Variants in PLXNA4 observed in about 807,000 individuals in gnomAD.
PLXNA4 encodes the protein plexin A4.
Under a neutral mutation model 191.8 loss-of-function variants are expected in PLXNA4, and 44 were observed. The observed-to-expected ratio is 0.23, with a 90% CI of 0.18 to 0.29. The LOEUF (loss-of-function observed/expected upper bound fraction) is 0.29. Among genes scored for constraint, PLXNA4 ranks in the 10% least tolerant of loss-of-function variants. The pLI is 1.00. For synonymous variants in PLXNA4, 1,082 were observed against 1,009.5 expected (o/e 1.07, Z -1.36); for missense variants, 1,800 against 2,488.8 (o/e 0.72, Z 5.89).
At chr7:132,514,026 C>T (rs1190043658) in intron 1 of PLXNA4, among the ~76,000 whole-genome samples, 1 of 149,726 alleles carries the variant, frequency 6.7e-6, no homozygotes. Context: ...TAGTATGTCA[C>T]ATAGAAAAGA....
chr7:132,367,057 C>T (rs994880167), intron 3 of PLXNA4, among the ~76,000 whole-genome samples: 1 of 152,192 alleles, frequency 6.6e-6, no homozygotes, highest in African/African-American at 2.4e-5. Context: ...AGGCATGAGC[C>T]ACTGTACCTA....
At chr7:132,293,349 A>G (rs1304934761) in intron 4 of PLXNA4, among the ~76,000 whole-genome samples, 1 of 152,232 alleles carries the variant, frequency 6.6e-6, no homozygotes, top group East Asian at 1.9e-4. Context: ...TCACAATCAC[A>G]TCTTACATGG....
At chr7:132,210,639 A>G (rs1344553822) in intron 10 of PLXNA4, among the ~76,000 whole-genome samples, 1 of 152,170 alleles carries the variant, frequency 6.6e-6, no homozygotes, top group Non-Finnish European at 1.5e-5. Context: ...GTCTGCCCAT[A>G]AACAGGGCTC....
intron 2 of PLXNA4, among the ~76,000 whole-genome samples, chr7:132,637,448 C>A (rs941699425): frequency 1.3e-5 from 2 of 152,210 alleles, no homozygotes; most frequent in African/African-American, 4.8e-5. Context: ...CAATTTTCCA[C>A]ACCCTGCACA....
intron 2 of PLXNA4, among the ~76,000 whole-genome samples, chr7:132,506,551 C>G (rs892093828): frequency 6.6e-6 from 1 of 152,156 alleles, no homozygotes; most frequent in Non-Finnish European, 1.5e-5. Context: ...GATAGCTGAG[C>G]CTTCCAAGTC....
At chr7:132,394,579 T>G (rs1793669876) in intron 3 of PLXNA4, among the ~76,000 whole-genome samples, 1 of 152,230 alleles carries the variant, frequency 6.6e-6, no homozygotes. Flanking sequence ...TGCTCTGTTG[T>G]TAACCTACTG....
chr7:132,614,293 G>A (rs2116857967), intron 2 of PLXNA4, among the ~76,000 whole-genome samples: 1 of 152,166 alleles, frequency 6.6e-6, no homozygotes, highest in South Asian at 2.1e-4. Flanking sequence ...AAAATCCAAT[G>A]TGTGATTGAC....
chr7:132,193,684 T>A (rs1797162855), intron 14 of PLXNA4, among the ~76,000 whole-genome samples: 1 of 152,222 alleles, frequency 6.6e-6, no homozygotes, highest in African/African-American at 2.4e-5. Flanking sequence ...GTTGAGCAAC[T>A]TGCCCACATT....
chr7:132,311,281 C>A (rs1563027650), intron 3 of PLXNA4, among the ~76,000 whole-genome samples: 1 of 151,824 alleles, frequency 6.6e-6, no homozygotes, highest in East Asian at 1.9e-4. Flanking sequence ...CTGAGAATCT[C>A]AGAACTCTCC....
intron 3 of PLXNA4, among the ~76,000 whole-genome samples, chr7:132,487,722 G>C (rs575093810): frequency 6.6e-6 from 1 of 152,302 alleles, no homozygotes; most frequent in East Asian, 1.9e-4. Context: ...AAGTGCATGA[G>C]AGGAAGACCC....
In PLXNA4 at chr7:132,413,327, GC is replaced by G. The variant is rs556202546; in HGVS notation, c.1371+75964del. Among the ~76,000 whole-genome samples the G allele has an allele frequency of 2.0e-4, 30 of 152,266 alleles. No homozygotes were observed. In the South Asian group the frequency reaches 6.0e-3, roughly 31 times the overall value. On this transcript the variant is annotated intron_variant, in intron 3 of 31. Transcript: ENST00000321063. ...CCCAGGGGTTTGCTTCACTGGCTGG[GC>G]CTCCTGTCTCCAGTAACTCCTGGAG...
At chr7:132,214,302 C>T (rs1797897308) in intron 9 of PLXNA4, among the ~76,000 whole-genome samples, 1 of 152,174 alleles carries the variant, frequency 6.6e-6, no homozygotes, top group East Asian at 1.9e-4. Context: ...CTTAGTGAGG[C>T]TTGTGATGAG....
Position 132,381,643 on chromosome 7 carries a change from C to T in PLXNA4, c.1372-83421G>A, listed in dbSNP as rs577802404. Reference sequence around the variant, plus strand: ...GGATATTAATAAGGCAAAGAATTTACACCCCTAGCCCGTGTTCTACTTCAC... The same window carrying T: ...GGATATTAATAAGGCAAAGAATTTATACCCCTAGCCCGTGTTCTACTTCAC... On this transcript the variant is annotated intron_variant, in intron 3 of 31. Transcript: ENST00000321063. Among the ~76,000 whole-genome samples, 5 of 152,358 alleles carry T rather than the reference C, an allele frequency of 3.3e-5. No homozygotes were observed. The East Asian group carries it at 9.6e-4, about 29-fold the overall frequency.
chr7:132,132,452 G>T (rs1452009341), intron 31 of PLXNA4, among the ~76,000 whole-genome samples: 7 of 56,802 alleles, frequency 1.2e-4, no homozygotes, highest in Non-Finnish European at 1.3e-4. Context: ...GTTCTGTTCT[G>T]TTCTGTTCTG....
chr7:132,174,709 A>AG (rs1179478706), intron 21 of PLXNA4, 69 bp downstream of exon 21: 71 of 1,574,002 alleles, frequency 4.5e-5, no homozygotes, highest in Non-Finnish European at 6.0e-5. Context: ...CTCCGAAAGA[A>AG]GGGGCTGGAC....
intron 3 of PLXNA4, chr7:132,384,520 A>G (rs1222445462): frequency 3.0e-6 from 3 of 986,394 alleles, no homozygotes; most frequent in Non-Finnish European, 2.4e-6. Context: ...AGGAAAGGAG[A>G]CTGGACAACA....
At chr7:132,331,912 C>T (rs998671223) in intron 3 of PLXNA4, among the ~76,000 whole-genome samples, 1 of 152,070 alleles carries the variant, frequency 6.6e-6, no homozygotes, top group African/African-American at 2.4e-5. Context: ...GTGGAAGGGG[C>T]CCTTGAGTGT....
chr7:132,170,098 T>C (rs1796240461), intron 21 of PLXNA4, among the ~76,000 whole-genome samples: 1 of 152,052 alleles, frequency 6.6e-6, no homozygotes, highest in Non-Finnish European at 1.5e-5. Context: ...GAGTCGGTCA[T>C]GCTTGGGTTT....
chr7:132,393,986 T>TTTTTTTTTTTTTTTTCGTA (rs1793634678), intron 3 of PLXNA4, among the ~76,000 whole-genome samples: 3 of 140,762 alleles, frequency 2.1e-5, no homozygotes, highest in African/African-American at 8.4e-5. Flanking sequence ...CCCACCCTCT[T>TTTTTTTTTTTTTTTTCGTA]TTTTTTTTTT....
Sources: allele counts gnomAD v4.1 joint callset (sites outside exome capture counted in the v4.1 genomes callset), GRCh38; gene constraint gnomAD v4.1.1; transcripts MANE v1.5; gene names NCBI Gene and HGNC (gene_info 2026-07-23, HGNC 2026-07-21).